CNTN1: variants seen among roughly 807,000 people sequenced by gnomAD.
The protein encoded by CNTN1 is contactin 1, also known as contactin-1.
A neutral mutation model predicts 126.4 loss-of-function variants in CNTN1; 38 were observed. The ratio of observed to expected loss-of-function variants is 0.30; its 90% CI spans 0.23 to 0.39. The LOEUF is 0.39. Ranked by LOEUF, CNTN1 falls within the 10% of genes least tolerant of loss-of-function variation. The probability of loss-of-function intolerance (pLI) is 1.00; values close to 1 mark genes in which losing one functional copy is unlikely to be tolerated. For missense variants in CNTN1, 1,009 were observed against 1,248.4 expected (o/e 0.81, Z 2.89); for synonymous variants, 413 against 422.6 (o/e 0.98, Z 0.28).
At chr12:40,771,427 A>C (rs527965818) in intron 1 of CNTN1, among the ~76,000 whole-genome samples, 36 of 152,114 alleles carry the variant, frequency 2.4e-4, no homozygotes, top group African/African-American at 8.7e-4. Context: ...AGTGTTATTT[A>C]TTTCTTTTAT....
chr12:40,917,184 C>T (rs2136849780), intron 3 of CNTN1, among the ~76,000 whole-genome samples: 1 of 151,804 alleles, frequency 6.6e-6, no homozygotes, highest in East Asian at 1.9e-4. Flanking sequence ...GAAAACTTGG[C>T]TTTTGGTTTT....
At chr12:40,704,399 A>T (rs1460134626) in intron 1 of CNTN1, among the ~76,000 whole-genome samples, 1 of 152,174 alleles carries the variant, frequency 6.6e-6, no homozygotes, top group Non-Finnish European at 1.5e-5. Flanking sequence ...TATTGACTTC[A>T]TCTTGCTGTT....
intron 20 of CNTN1, 101 bp downstream of exon 20, chr12:41,020,541 G>T: frequency 1.3e-6 from 1 of 746,982 alleles, no homozygotes; most frequent in Non-Finnish European, 2.3e-6. Flanking sequence ...AATTTATGTG[G>T]CAACTAATAC....
In CNTN1 at chr12:40,925,800, TTATATATATATATA is replaced by T. The variant is rs370971706; in HGVS notation, c.496+1164_496+1177del. 1.3e-4 allele frequency among the ~76,000 whole-genome samples: 15 copies of T among 116,596 alleles called. 1 individual carries two copies. Among genetic ancestry groups the T allele is most frequent in the African/African-American group, 2.8e-4 (8 of 28,600 alleles). The allele number at this position is 116,596 out of a possible 152,430, so 76.5% of individuals were successfully genotyped here. The stretch of plus-strand genomic sequence containing the variant: ...CCTTTTTCTTAAGGAACTATTGAAA[TTATATATATATATA>T]TATATATATATATATGTATGTGTGT... On this transcript the variant is annotated intron_variant, in intron 6 of 23. Coordinates refer to ENST00000551295, the MANE Select transcript of CNTN1 (RefSeq NM_001843.4).
chr12:40,793,353 G>C (rs1424739927), intron 1 of CNTN1, among the ~76,000 whole-genome samples: 1 of 151,854 alleles, frequency 6.6e-6, no homozygotes, highest in Non-Finnish European at 1.5e-5. Context: ...AAATTTGTAT[G>C]CTTTTTTCCC....
intron 1 of CNTN1, among the ~76,000 whole-genome samples, chr12:40,785,507 G>T (rs1397712487): frequency 6.6e-6 from 1 of 152,162 alleles, no homozygotes; most frequent in Non-Finnish European, 1.5e-5. Flanking sequence ...CAAAAAGAAA[G>T]TCAGCAAAGG....
intron 1 of CNTN1, among the ~76,000 whole-genome samples, chr12:40,843,425 A>C (rs530385692): frequency 1.3e-5 from 2 of 152,304 alleles, no homozygotes; most frequent in South Asian, 4.1e-4. Flanking sequence ...AGTAATTAAA[A>C]TATTTTAAAT....
intron 16 of CNTN1, among the ~76,000 whole-genome samples, chr12:40,985,835 A>G (rs531859623): frequency 1.3e-5 from 2 of 151,894 alleles, no homozygotes; most frequent in East Asian, 1.9e-4. Context: ...ATGTTGTTCC[A>G]CAGATAATGG....
intron 1 of CNTN1, among the ~76,000 whole-genome samples, chr12:40,825,759 AGTGTCCCTT>A (rs528313804): frequency 2.2e-3 from 341 of 152,176 alleles, no homozygotes; most frequent in African/African-American, 7.9e-3. Flanking sequence ...CTATCTCCAC[AGTGTCCCTT>A]GTGCCATATA....
intron 17 of CNTN1, among the ~76,000 whole-genome samples, chr12:41,008,214 G>T (rs1478721762): frequency 6.6e-6 from 1 of 152,142 alleles, no homozygotes; most frequent in African/African-American, 2.4e-5. Flanking sequence ...GAGTTTGATT[G>T]TTTCTAAATG....
At chr12:41,028,930 A>G (rs1187094412) in intron 22 of CNTN1, 133 bp from the exon 23 acceptor site, 1 of 875,112 alleles carries the variant, frequency 1.1e-6, no homozygotes, top group East Asian at 2.7e-5. Context: ...TTTTAAATTT[A>G]GTTTTTCCTC....
intron 1 of CNTN1, among the ~76,000 whole-genome samples, chr12:40,737,651 A>G (rs1271554522): frequency 6.6e-6 from 1 of 151,844 alleles, no homozygotes; most frequent in African/African-American, 2.4e-5. Flanking sequence ...TCCCCAGTCC[A>G]CTGACTCAAA....
At chr12:41,017,105 TAG>T (rs1592409735) in intron 19 of CNTN1, among the ~76,000 whole-genome samples, 189 bp downstream of exon 19, 1 of 152,310 alleles carries the variant, frequency 6.6e-6, no homozygotes, top group East Asian at 1.9e-4. Flanking sequence ...AGAATGTTGC[TAG>T]AGTCTTTTTC....
At chr12:40,793,749 T>C (rs1368811696) in intron 1 of CNTN1, among the ~76,000 whole-genome samples, 1 of 152,028 alleles carries the variant, frequency 6.6e-6, no homozygotes, top group East Asian at 1.9e-4. Flanking sequence ...AATGAAACAT[T>C]TTCTGACCTT....
At chr12:41,051,312 T>A (rs1169333155) in intron 23 of CNTN1, among the ~76,000 whole-genome samples, 1 of 148,944 alleles carries the variant, frequency 6.7e-6, no homozygotes, top group African/African-American at 2.5e-5. Context: ...CATGCCCAGA[T>A]AATTTTTTTT....
chr12:40,851,291 T>C (rs1424242807), intron 1 of CNTN1, among the ~76,000 whole-genome samples: 1 of 152,222 alleles, frequency 6.6e-6, no homozygotes, highest in East Asian at 1.9e-4. Context: ...ACTTTTCTCT[T>C]TCCCTCTCAT....
At chr12:40,888,329 T>G (rs4768315) in intron 1 of CNTN1, among the ~76,000 whole-genome samples, 83,371 of 151,864 alleles carry the variant, frequency 0.55, 23,575 homozygotes, top group African/African-American at 0.68. Flanking sequence ...TACGTGTACT[T>G]TATATATATT....
At chr12:40,714,951 A>T (rs1942012542) in intron 1 of CNTN1, among the ~76,000 whole-genome samples, 1 of 152,160 alleles carries the variant, frequency 6.6e-6, no homozygotes, top group Non-Finnish European at 1.5e-5. Flanking sequence ...GTCATTCTGC[A>T]GTGGATTGAA....
chr12:41,043,954 A>T (rs1288092816), intron 23 of CNTN1, among the ~76,000 whole-genome samples: 2 of 134,272 alleles, frequency 1.5e-5, no homozygotes, highest in Non-Finnish European at 3.1e-5. Context: ...AACAATGAGA[A>T]CACATGGACA....
Sources: gnomAD v4.1 joint callset for allele counts (sites outside exome capture counted in the v4.1 genomes callset) on GRCh38, gnomAD v4.1.1 for gene constraint, MANE v1.5 for transcripts, NCBI Gene and HGNC (gene_info 2026-07-23, HGNC 2026-07-21) for gene names.